The following FHIP1A variants were observed in gnomAD, a reference collection of about 807,000 sequenced individuals.
FHIP1A encodes the protein FHF complex subunit HOOK-interacting protein 1A.
Under a neutral mutation model 88.6 loss-of-function variants are expected in FHIP1A, and 61 were observed. That is an observed-to-expected ratio of 0.69 (90% confidence interval 0.56 to 0.85). The LOEUF (loss-of-function observed/expected upper bound fraction) is 0.85, where lower values mean the gene tolerates loss of function less well. Among genes scored for constraint, FHIP1A ranks in the 40% least tolerant of loss-of-function variants. FHIP1A has a pLI of 0.00. For synonymous variants in FHIP1A, 478 were observed against 496.0 expected (o/e 0.96, Z 0.48); for missense variants, 1,154 against 1,273.5 (o/e 0.91, Z 1.43).
At position 151,656,367 on chromosome 4, in the gene FHIP1A, A is replaced by G; in HGVS notation, c.2687A>G (p.Asn896Ser). Reference sequence around the variant, plus strand: ...CCACTCCTGCGCTCCTTTCTGCTCAACACCAACATGGTCTTCCAGCCAAGC... The same window carrying G: ...CCACTCCTGCGCTCCTTTCTGCTCAGCACCAACATGGTCTTCCAGCCAAGC... ...PQPLLRSFLL[N>S]TNMVFQPSVR... The change falls in exon 12 of 14, where the codon AAC becomes AGC. Residue 896 changes from asparagine to serine, a missense_variant. Physicochemically the swap from Asn to Ser is conservative, Grantham distance 46. Transcript: ENST00000435205. This position sits in a 1 kb window ranked among gnomAD's most constrained non-coding sequence, Gnocchi z 4.2. 1 of 1,551,698 alleles carries G rather than the reference A, an allele frequency of 6.4e-7. No individual in the cohort carries two copies. Among genetic ancestry groups the G allele is most frequent in the African/African-American group, 1.4e-5 (1 of 73,150 alleles).
intron 3 of FHIP1A, among the ~76,000 whole-genome samples, chr4:151,546,344 A>T (rs1021618600): frequency 2.0e-5 from 3 of 152,084 alleles, no homozygotes; most frequent in African/African-American, 7.2e-5. Context: ...AGGCTTTCGG[A>T]CTTGGACTGA....
At chr4:151,646,009 C>T (rs1736779160) in intron 9 of FHIP1A, among the ~76,000 whole-genome samples, 1 of 152,182 alleles carries the variant, frequency 6.6e-6, no homozygotes, top group Non-Finnish European at 1.5e-5. Context: ...TTGCTGCTGC[C>T]ATTCAGTGCC....
chr4:151,585,530 C>T (rs1486518019), intron 5 of FHIP1A, among the ~76,000 whole-genome samples: 1 of 152,202 alleles, frequency 6.6e-6, no homozygotes, highest in Non-Finnish European at 1.5e-5. Flanking sequence ...CCATCTTATA[C>T]ATATCTAGCA....
intron 3 of FHIP1A, among the ~76,000 whole-genome samples, chr4:151,496,245 A>T (rs549518346): frequency 0.02 from 3,016 of 148,182 alleles, 101 homozygotes; most frequent in African/African-American, 0.07. Context: ...ATATATATAT[A>T]TTTTTATATA....
At position 151,665,478 on chromosome 4, in the gene FHIP1A, T is replaced by C. The variant is rs1304260185; in HGVS notation, c.*2724T>C. Among the ~76,000 whole-genome samples the C allele has an allele frequency of 3.3e-5, 5 of 152,156 alleles. No homozygotes were observed. Among genetic ancestry groups the C allele is most frequent in the Non-Finnish European group, 7.3e-5 (5 of 68,034 alleles). ...TTGTCCATGGTTTTGCAAAATGAAG[T>C]CAGAAAATGGAGCTGGATGTAGAGA... On this transcript the variant is annotated 3_prime_UTR_variant, in exon 14 of 14. Coordinates refer to ENST00000435205, the MANE Select transcript of FHIP1A (RefSeq NM_001109977.3).
At chr4:151,538,294 C>G (rs1030705381) in intron 3 of FHIP1A, among the ~76,000 whole-genome samples, 1 of 152,026 alleles carries the variant, frequency 6.6e-6, no homozygotes, top group African/African-American at 2.4e-5. Flanking sequence ...ATAATAGTAC[C>G]CATTTTATAG....
At position 151,656,234 on chromosome 4, in the gene FHIP1A, C is replaced by T. The variant is rs1737227419; in HGVS notation, c.2554C>T (p.Pro852Ser). 6.4e-7 allele frequency: 1 copy of T among 1,551,266 alleles called. No homozygotes were observed. Among genetic ancestry groups the T allele is most frequent in the South Asian group, 1.2e-5 (1 of 84,032 alleles). Residue 852 changes from proline to serine, a missense_variant and splice_region_variant, in exon 12 of 14, where the codon CCA (proline) becomes TCA (serine). Physicochemically the swap from Pro to Ser is moderately conservative, Grantham distance 74. Coordinates refer to ENST00000435205, the MANE Select transcript of FHIP1A (RefSeq NM_001109977.3). This position sits in a 1 kb window ranked among gnomAD's most constrained non-coding sequence, Gnocchi z 4.2. ...VRTQSTPFTG[P>S]FISVVLSKLE... The stretch of plus-strand genomic sequence containing the variant: ...GAAGCCTTGTGTTCTTCCTGCAGGC[C>T]CATTCATCAGCGTAGTCCTGTCAAA...
chr4:151,595,170 T>G (rs982597526), intron 7 of FHIP1A, among the ~76,000 whole-genome samples: 4 of 152,236 alleles, frequency 2.6e-5, no homozygotes, highest in Non-Finnish European at 5.9e-5. Flanking sequence ...TTTAGTACTA[T>G]AAATTTCCCT....
chr4:151,424,927 A>T lies in FHIP1A; in HGVS notation c.-356+15462A>T, dbSNP rs143623845. Among the ~76,000 whole-genome samples, 395 of 152,318 alleles carry T rather than the reference A, an allele frequency of 2.6e-3. 1 individual carries two copies. Among genetic ancestry groups the T allele is most frequent in the African/African-American group, 9.1e-3 (378 of 41,572 alleles). ...TGAGTGATACAAATAAAATACTACC[A>T]TTTTGTTACCTCCAATGAAATAATA... On this transcript the variant is annotated intron_variant, in intron 1 of 13. Coordinates refer to ENST00000435205, the MANE Select transcript of FHIP1A (RefSeq NM_001109977.3).
chr4:151,560,321 T>C (rs527514160), intron 3 of FHIP1A, among the ~76,000 whole-genome samples: 3 of 152,280 alleles, frequency 2.0e-5, no homozygotes, highest in East Asian at 3.9e-4. Flanking sequence ...CTAATTCTGA[T>C]TGACAAAACT....
At chr4:151,623,209 C>G (rs1735814316) in intron 7 of FHIP1A, among the ~76,000 whole-genome samples, 1 of 152,202 alleles carries the variant, frequency 6.6e-6, no homozygotes, top group African/African-American at 2.4e-5. Context: ...GGATTAGAAT[C>G]AGGTTTAGAT....
intron 11 of FHIP1A, among the ~76,000 whole-genome samples, chr4:151,653,886 G>A (rs1420699797): frequency 6.6e-6 from 1 of 152,142 alleles, no homozygotes; most frequent in African/African-American, 2.4e-5. Context: ...GGGCAGTGGA[G>A]AGAGTCTCAG....
intron 1 of FHIP1A, among the ~76,000 whole-genome samples, chr4:151,453,314 C>T (rs1013931121): frequency 1.3e-5 from 2 of 152,116 alleles, no homozygotes; most frequent in African/African-American, 4.8e-5. Context: ...CTGCACCTGG[C>T]CCATAGTTTT....
At chr4:151,627,820 G>A (rs981095806) in intron 7 of FHIP1A, among the ~76,000 whole-genome samples, 1 of 152,134 alleles carries the variant, frequency 6.6e-6, no homozygotes, top group Non-Finnish European at 1.5e-5. Flanking sequence ...CTAAATTCTG[G>A]CAAATATAAA....
chr4:151,416,218 A>G (rs1036142459), intron 1 of FHIP1A, among the ~76,000 whole-genome samples: 16 of 152,208 alleles, frequency 1.1e-4, no homozygotes, highest in African/African-American at 1.9e-4. Context: ...TGAGGTGGGA[A>G]CATTTCAGGA....
chr4:151,412,687 CTTT>C (rs555613459), intron 1 of FHIP1A, among the ~76,000 whole-genome samples: 12 of 95,818 alleles, frequency 1.3e-4, no homozygotes, highest in Admixed American at 3.7e-4. Context: ...CTCTTTCTTT[CTTT>C]TTTTTTTTTT....
At position 151,668,942 on chromosome 4, in the gene FHIP1A, T is replaced by A. The variant is rs1034838143; in HGVS notation, c.*6188T>A. Among the ~76,000 whole-genome samples the A allele has an allele frequency of 2.6e-5, 4 of 152,160 alleles. No homozygotes were observed. Among genetic ancestry groups the A allele is most frequent in the Middle Eastern group, 6.8e-3 (2 of 294 alleles). On this transcript the variant is annotated 3_prime_UTR_variant, in exon 14 of 14. Transcript: ENST00000435205. ...GCATTATACACCCAGCCTACAGGTG[T>A]GTGGATTCCTGAGACAGATGGCAAT...
In FHIP1A at chr4:151,432,613, G is replaced by A. The variant is rs1733635868; in HGVS notation, c.-355-22088G>A. Reference sequence around the variant, plus strand: ...TTAAGACTTGGTCTTTGCTCTGGAGGAGATGGACTTGTAACTCCAGTGTGA... The same window carrying A: ...TTAAGACTTGGTCTTTGCTCTGGAGAAGATGGACTTGTAACTCCAGTGTGA... On this transcript the variant is annotated intron_variant, in intron 1 of 13. Transcript: ENST00000435205. Among the ~76,000 whole-genome samples the A allele has an allele frequency of 2.0e-5, 3 of 152,200 alleles. No individual in the cohort carries two copies. The South Asian group carries it at 6.2e-4, about 32-fold the overall frequency.
At chr4:151,483,489 T>C (rs1425046083) in intron 3 of FHIP1A, among the ~76,000 whole-genome samples, 1 of 152,172 alleles carries the variant, frequency 6.6e-6, no homozygotes, top group Non-Finnish European at 1.5e-5. Flanking sequence ...ATTGACACTC[T>C]GGTCCAGTAA....
Sources: allele counts gnomAD v4.1 joint callset (sites outside exome capture counted in the v4.1 genomes callset), GRCh38; gene constraint gnomAD v4.1.1; non-coding constraint Gnocchi (gnomAD v3.1); transcripts MANE v1.5; gene names NCBI Gene and HGNC (gene_info 2026-07-23, HGNC 2026-07-21).